The following CCDC33 variants were observed in gnomAD, a reference collection of about 807,000 sequenced individuals.
CCDC33 encodes coiled-coil domain-containing protein 33.
A neutral mutation model predicts 91.9 loss-of-function variants in CCDC33; 94 were observed. The observed-to-expected ratio is 1.02, with a 90% CI of 0.87 to 1.21. The LOEUF is 1.21. Among genes scored for constraint, CCDC33 ranks in the 50% most tolerant of loss-of-function variants. CCDC33 has a pLI of 0.00. For missense variants in CCDC33, 940 were observed against 935.5 expected (o/e 1.00, Z -0.06); for synonymous variants, 396 against 374.5 (o/e 1.06, Z -0.66).
intron 11 of CCDC33, chr15:74,304,395 CT>C (rs1197654689): frequency 6.6e-6 from 1 of 152,232 alleles, no homozygotes; most frequent in Non-Finnish European, 1.5e-5. Context: ...TCCCAGACCC[CT>C]GACCCACTTC....
In CCDC33 at chr15:74,249,047, C is replaced by T. The variant is rs577696119; in HGVS notation, c.185+4899C>T. ...ACTAGGCCCCTGCTTGGATAGCCAA[C>T]GCCTGCTTGTCGGCAGCCCCCCACC... is the stretch of plus-strand genomic sequence containing the variant. On this transcript the variant is annotated intron_variant, in intron 2 of 18. Transcript: ENST00000398814. Among the ~76,000 whole-genome samples, 6 of 152,300 alleles carry T rather than the reference C, an allele frequency of 3.9e-5. No homozygotes were observed. In the East Asian group the frequency reaches 9.6e-4, roughly 24 times the overall value.
At chr15:74,335,902 G>T in intron 18 of CCDC33, 23 bp from the exon 19 acceptor site, 1 of 1,598,998 alleles carries the variant, frequency 6.3e-7, no homozygotes, top group South Asian at 1.1e-5. Context: ...GGGTACTCAC[G>T]CACCCCGCTT....
chr15:74,333,150 G>T, intron 16 of CCDC33: 1 of 1,259,704 alleles, frequency 7.9e-7, no homozygotes, highest in Non-Finnish European at 1.1e-6. Context: ...CCCTACACAG[G>T]CCTCTCAAAA....
At chr15:74,263,311 G>C (rs2076077881) in intron 3 of CCDC33, among the ~76,000 whole-genome samples, 1 of 152,196 alleles carries the variant, frequency 6.6e-6, no homozygotes, top group African/African-American at 2.4e-5. Flanking sequence ...TGCCAGCACA[G>C]ACTGGAGGTG....
Position 74,331,290 on chromosome 15 carries a change from T to C in CCDC33, c.1765T>C (p.Tyr589His). Residue 589 changes from tyrosine to histidine, a missense_variant, in exon 15 of 19, where the codon TAC (tyrosine) becomes CAC (histidine). Physicochemically the swap from Tyr to His is moderately conservative, Grantham distance 83. Coordinates refer to ENST00000398814, the MANE Select transcript of CCDC33 (RefSeq NM_025055.5). Reference protein sequence around the residue: ...PPLNRQQGKPYTGFPMLSASG... With the variant: ...PPLNRQQGKPHTGFPMLSASG... The stretch of plus-strand genomic sequence containing the variant: ...TCTGAACAGGCAGCAGGGAAAGCCC[T>C]ACACGGGTGGGTCCACACCCTGATG... 1 of 1,613,958 alleles carries C rather than the reference T, an allele frequency of 6.2e-7. No individual in the cohort carries two copies. Among genetic ancestry groups the C allele is most frequent in the Non-Finnish European group, 8.5e-7 (1 of 1,179,888 alleles).
intron 11 of CCDC33, among the ~76,000 whole-genome samples, chr15:74,309,898 A>G (rs1228073989): frequency 2.0e-5 from 3 of 152,212 alleles, no homozygotes; most frequent in Non-Finnish European, 4.4e-5. Context: ...CTGTAATCCC[A>G]GCACTTTGGG....
intron 11 of CCDC33, among the ~76,000 whole-genome samples, chr15:74,323,085 C>T (rs2060238513): frequency 6.6e-6 from 1 of 152,058 alleles, no homozygotes; most frequent in South Asian, 2.1e-4. Context: ...AGGAAATCCT[C>T]TCTCTCCACC....
chr15:74,290,609 A>T (rs961032849), intron 10 of CCDC33, among the ~76,000 whole-genome samples: 1 of 152,200 alleles, frequency 6.6e-6, no homozygotes, highest in African/African-American at 2.4e-5. Flanking sequence ...TGGGTTGGAA[A>T]TTGGCAAAGC....
intron 2 of CCDC33, among the ~76,000 whole-genome samples, chr15:74,246,414 C>T (rs186586569): frequency 1.4e-4 from 21 of 152,320 alleles, no homozygotes; most frequent in African/African-American, 3.6e-4. Flanking sequence ...ATTTGCAAAA[C>T]ATGTATCGGA....
intron 6 of CCDC33, among the ~76,000 whole-genome samples, chr15:74,272,089 TAG>T (rs1313444089): frequency 6.6e-6 from 1 of 152,150 alleles, no homozygotes; most frequent in Non-Finnish European, 1.5e-5. Flanking sequence ...GCCTAACAGC[TAG>T]AGAGTGTGGG....
intron 1 of CCDC33, 135 bp downstream of exon 1, chr15:74,236,875 A>G: frequency 1.2e-6 from 1 of 837,604 alleles, no homozygotes; most frequent in Non-Finnish European, 1.9e-6. Context: ...CAGCTGTGAA[A>G]TGGGGAGTGA....
In CCDC33 at chr15:74,279,190, A is replaced by G. The variant is rs539536694; in HGVS notation, c.760-773A>G. 4.6e-5 allele frequency among the ~76,000 whole-genome samples: 7 copies of G among 152,386 alleles called. No individual in the cohort carries two copies. In the East Asian group the frequency reaches 1.3e-3, roughly 29 times the overall value. On this transcript the variant is annotated intron_variant, in intron 7 of 18. Transcript: ENST00000398814. ...AGTAATTTGCGACATGAAGATATGT[A>G]GCAGAGAACGTTCAATGCAGTGTTA...
chr15:74,268,252 G>C, intron 4 of CCDC33, 90 bp from the exon 5 acceptor site: 1 of 909,640 alleles, frequency 1.1e-6, no homozygotes, highest in Non-Finnish European at 1.8e-6. Flanking sequence ...AATGCCAAGT[G>C]ATTGTCTGCA....
chr15:74,216,989 T>G (rs978256717), upstream of CCDC33, among the ~76,000 whole-genome samples: 1 of 152,228 alleles, frequency 6.6e-6, no homozygotes, highest in Non-Finnish European at 1.5e-5. Flanking sequence ...TATTGTTTGG[T>G]TCACTGCTGG....
chr15:74,236,597 C>A lies in CCDC33; in HGVS notation c.-123C>A. On this transcript the variant is annotated 5_prime_UTR_variant, in exon 1 of 19. Transcript: ENST00000398814. ...ATTGACCTCCATACTGTCTACTACC[C>A]ATAAGGACTCCAAGACGCCCAGGCC... 1.3e-6 allele frequency: 1 copy of A among 778,638 alleles called. No homozygotes were observed. The highest frequency in any genetic ancestry group is 2.2e-6 in the Non-Finnish European group (1 of 464,988). 48.2% of individuals were successfully genotyped at this position (778,638 alleles called of 1,614,324 possible).
Position 74,316,955 on chromosome 15 carries a change from T to C in CCDC33, c.1291-13234T>C, listed in dbSNP as rs2060098830. Among the ~76,000 whole-genome samples the C allele has an allele frequency of 1.3e-5, 2 of 152,178 alleles. No homozygotes were observed. Among genetic ancestry groups the C allele is most frequent in the African/African-American group, 4.8e-5 (2 of 41,444 alleles). ...AGCTGCTTAGTAACAGAGCCCACTA[T>C]CTTTCCACTTCACCAGGCCCACTCA... On this transcript the variant is annotated intron_variant, in intron 11 of 18. Transcript: ENST00000398814. This position sits in a 1 kb window ranked among gnomAD's most constrained non-coding sequence, Gnocchi z 4.7.
intron 18 of CCDC33, chr15:74,335,292 A>C: frequency 3.2e-6 from 2 of 632,824 alleles, no homozygotes; most frequent in Non-Finnish European, 5.7e-6. Context: ...GGGGAACAGA[A>C]AACCCCTGCC....
Position 74,238,000 on chromosome 15 carries a change from C to T in CCDC33, c.21+1260C>T, listed in dbSNP as rs114460776. The stretch of plus-strand genomic sequence containing the variant: ...AAAATTAGCTGGGTGTGTTGGTGCA[C>T]GTCTGTAATCCCAGTTACTCAGGAT... On this transcript the variant is annotated intron_variant, in intron 1 of 18. Coordinates refer to ENST00000398814, the MANE Select transcript of CCDC33 (RefSeq NM_025055.5). Among the ~76,000 whole-genome samples, 1,094 of 151,836 alleles carry T rather than the reference C, an allele frequency of 7.2e-3. 10 individuals carry two copies. Among genetic ancestry groups the T allele is most frequent in the African/African-American group, 0.023 (956 of 41,380 alleles).
In CCDC33 at chr15:74,266,806, G is replaced by C. The variant is rs1219374842; in HGVS notation, c.429+19G>C. ...GGTGAAGGTGAGTCAGAGGCCTGGGGAAGTGCCGGGAGAGCAGGTGGGAAC... is the reference window on the plus strand; with the variant it reads ...GGTGAAGGTGAGTCAGAGGCCTGGGCAAGTGCCGGGAGAGCAGGTGGGAAC... On this transcript the variant is annotated intron_variant, in intron 4 of 18. Transcript: ENST00000398814. The C allele has an allele frequency of 6.3e-7, 1 of 1,582,196 alleles. No individual in the cohort carries two copies. The highest frequency in any genetic ancestry group is 1.3e-5 in the African/African-American group (1 of 74,212).
Sources: allele counts gnomAD v4.1 joint callset (sites outside exome capture counted in the v4.1 genomes callset), GRCh38; gene constraint gnomAD v4.1.1; non-coding constraint Gnocchi (gnomAD v3.1); transcripts MANE v1.5; gene names NCBI Gene and HGNC (gene_info 2026-07-23, HGNC 2026-07-21).